PLEKHG6: variants seen among roughly 807,000 people sequenced by gnomAD.
The protein encoded by PLEKHG6 is pleckstrin homology domain-containing family G member 6.
PLEKHG6 carries 91 observed loss-of-function variants against 97.5 expected under a neutral mutation model. The observed-to-expected ratio is 0.93, with a 90% CI of 0.79 to 1.11. The LOEUF is 1.11. PLEKHG6 is among the 50% of genes most tolerant of loss of function. PLEKHG6 has a pLI of 0.00. For missense variants in PLEKHG6, 1,044 were observed against 1,031.0 expected (o/e 1.01, Z -0.17); for synonymous variants, 466 against 425.5 (o/e 1.10, Z -1.17).
In PLEKHG6 at chr12:6,319,565, C is replaced by T. The variant is rs1367632733; in HGVS notation, c.1524+457C>T. 3.9e-6 allele frequency: 6 copies of T among 1,535,040 alleles called. 1 individual carries two copies. Among genetic ancestry groups the T allele is most frequent in the Non-Finnish European group, 4.4e-6 (5 of 1,146,266 alleles). ...GTTTCAGACTGGACAATCTGATGTG[C>T]CCCAGAGAGGGAGGCAGAGCCTCCA... On this transcript the variant is annotated intron_variant, in intron 13 of 15. Coordinates refer to ENST00000684764, the MANE Select transcript of PLEKHG6 (RefSeq NM_001384598.1).
intron 13 of PLEKHG6, among the ~76,000 whole-genome samples, chr12:6,323,876 G>A (rs1947780013): frequency 6.6e-6 from 1 of 152,178 alleles, no homozygotes; most frequent in African/African-American, 2.4e-5. Context: ...GCTGCTGACT[G>A]GGGAAACGCA....
chr12:6,313,788 A>AG lies in PLEKHG6; in HGVS notation c.294+9dup, dbSNP rs540007493. ...GCTTCACTCCCCCAAACTCAAGGTA[A>AG]GGGGGTCCCTCTCCTCCCATCCCCA... On this transcript the variant is annotated splice_donor_region_variant and intron_variant, in intron 3 of 15. Coordinates refer to ENST00000684764, the MANE Select transcript of PLEKHG6 (RefSeq NM_001384598.1). 2.9e-5 allele frequency: 45 copies of AG among 1,565,002 alleles called. No individual in the cohort carries two copies. The East Asian group carries it at 8.6e-4, about 30-fold the overall frequency.
rs1301422338 is a variant in PLEKHG6 at position 6,317,907 on chromosome 12, G to T, written c.1068G>T (p.Gln356His). The stretch of plus-strand genomic sequence containing the variant: ...GACACATCAATGGGCAGGTCCGCCA[G>T]GGCGAAGAGCAAGAGAGCTTGGCGG... ...FLRHINGQVR[Q>H]GEEQESLAAA... The change falls in exon 10 of 16, where the codon CAG becomes CAT. Residue 356 changes from glutamine (Q) to histidine (H), a missense_variant. Physicochemically the swap from Gln to His is conservative, Grantham distance 24 (BLOSUM62 0). Transcript: ENST00000684764. The T allele has an allele frequency of 6.4e-7, 1 of 1,561,926 alleles. No homozygotes were observed. The highest frequency in any genetic ancestry group is 2.4e-5 in the East Asian group (1 of 42,272).
At chr12:6,321,932 CCAGGTCCTA>C (rs1947718931) in intron 13 of PLEKHG6, among the ~76,000 whole-genome samples, 1 of 152,046 alleles carries the variant, frequency 6.6e-6, no homozygotes, top group Non-Finnish European at 1.5e-5. Context: ...ACCGGTCCTA[CCAGGTCCTA>C]GCCATGTGAC....
chr12:6,328,141 T>C lies in PLEKHG6; in HGVS notation c.2369T>C (p.Val790Ala), dbSNP rs1947942611. The C allele has an allele frequency of 6.2e-7, 1 of 1,613,678 alleles. No individual in the cohort carries two copies. Among genetic ancestry groups the C allele is most frequent in the African/African-American group, 1.3e-5 (1 of 74,802 alleles). The change falls in exon 16 of 16, where the codon GTA becomes GCA. Residue 790 changes from valine (V) to alanine (A), a missense_variant. Coordinates refer to ENST00000684764, the MANE Select transcript of PLEKHG6 (RefSeq NM_001384598.1). ...ACCCCCTCCTGTCTTTTCAGAGAGG[T>C]ATGAGGAATGCAGAGGACCTTTGGC... ...QLDTPLSASE[V>A]
chr12:6,322,595 T>C (rs1169919972), intron 13 of PLEKHG6, among the ~76,000 whole-genome samples: 2 of 152,210 alleles, frequency 1.3e-5, no homozygotes, highest in African/African-American at 4.8e-5. Context: ...TCAAATTTTC[T>C]TGGCCAGGCG....
chr12:6,318,895 G>C lies in PLEKHG6; in HGVS notation c.1408+18G>C. 1 of 1,614,154 alleles carries C rather than the reference G, an allele frequency of 6.2e-7. No homozygotes were observed. Among genetic ancestry groups the C allele is most frequent in the Non-Finnish European group, 8.5e-7 (1 of 1,180,004 alleles). On this transcript the variant is annotated intron_variant, in intron 12 of 15. Coordinates refer to ENST00000684764, the MANE Select transcript of PLEKHG6 (RefSeq NM_001384598.1). ...AGACCCCAGTACGTCCTTCCTTCAGGGAGTCTTTTCTTCTCCCTCTTCTCA... is the reference window on the plus strand; with the variant it reads ...AGACCCCAGTACGTCCTTCCTTCAGCGAGTCTTTTCTTCTCCCTCTTCTCA...
rs1323517378 is a variant in PLEKHG6, at chr12:6,328,425, G to A, written c.*280G>A. On this transcript the variant is annotated 3_prime_UTR_variant, in exon 16 of 16. Transcript: ENST00000684764. ...GCACTTTGGGAGGCTGAGGTGGGAG[G>A]ATCCCTTGAGCCCAGGAGTTCCAGA... 1 of 414,356 alleles carries A rather than the reference G, an allele frequency of 2.4e-6. No homozygotes were observed. The highest frequency in any genetic ancestry group is 4.3e-6 in the Non-Finnish European group (1 of 230,976). The allele number at this position is 414,356 out of a possible 1,614,324, so 25.7% of individuals were successfully genotyped here. A position where few individuals can be genotyped will look rare whatever the true frequency, so the allele number is the denominator to read the frequency against.
chr12:6,318,449 G>T, intron 11 of PLEKHG6, 29 bp downstream of exon 11: 1 of 1,578,122 alleles, frequency 6.3e-7, no homozygotes, highest in Non-Finnish European at 8.6e-7. Context: ...GAGTGGAGGG[G>T]ATGGGGCACG....
intron 13 of PLEKHG6, among the ~76,000 whole-genome samples, chr12:6,321,726 C>A (rs1245587691): frequency 6.8e-6 from 1 of 147,882 alleles, no homozygotes; most frequent in Non-Finnish European, 1.5e-5. Flanking sequence ...ACTCGGGAGG[C>A]TGAGGCAGGA....
Position 6,327,245 on chromosome 12 carries a change from T to G in PLEKHG6, c.1671-9T>G, listed in dbSNP as rs770781889. The stretch of plus-strand genomic sequence containing the variant: ...CCCTACGCATCTGACTCTTTGCCAT[T>G]AACTGTAGGACTCCTGAGTTCTCGA... On this transcript the variant is annotated splice_polypyrimidine_tract_variant and intron_variant, in intron 14 of 15. Transcript: ENST00000684764. 1 of 1,548,084 alleles carries G rather than the reference T, an allele frequency of 6.5e-7. No homozygotes were observed. The highest frequency in any genetic ancestry group is 1.2e-5 in the South Asian group (1 of 83,870).
In PLEKHG6 at chr12:6,315,454, GT is replaced by G. The variant is rs1947422721; in HGVS notation, c.460-99del. 7.6e-6 allele frequency: 6 copies of G among 790,338 alleles called. No individual in the cohort carries two copies. The allele number at this position is 790,338 out of a possible 1,614,324, so 49.0% of individuals were successfully genotyped here. Reference sequence around the variant, plus strand: ...TTAAAAGGTCATGGTCATGCACAAAGTGCCTAGAACCTATGAAGTGGATCCG... The same window carrying G: ...TTAAAAGGTCATGGTCATGCACAAAGGCCTAGAACCTATGAAGTGGATCCG... On this transcript the variant is annotated intron_variant, in intron 4 of 15. Transcript: ENST00000684764. This position sits in a 1 kb window ranked among gnomAD's most constrained non-coding sequence, Gnocchi z 4.5.
In PLEKHG6 at chr12:6,327,371, C is replaced by A. The variant is rs745639117; in HGVS notation, c.1788C>A (p.Gly596=). The A allele has an allele frequency of 7.4e-6, 12 of 1,614,012 alleles. No individual in the cohort carries two copies. The highest frequency in any genetic ancestry group is 1.7e-6 in the Non-Finnish European group (2 of 1,180,014). The change falls in exon 15 of 16, where the codon GGC becomes GGA. Residue 596 remains glycine (G), a synonymous_variant. Coordinates refer to ENST00000684764, the MANE Select transcript of PLEKHG6 (RefSeq NM_001384598.1). ...SDSGYGTLIP[G]TPTGSRSPLS... is the part of the protein sequence containing the mutation. ...CTGGCTACGGCACTTTGATCCCAGGCACCCCCACGGGGTCCCGCTCCCCAC... is the reference window on the plus strand; with the variant it reads ...CTGGCTACGGCACTTTGATCCCAGGAACCCCCACGGGGTCCCGCTCCCCAC...
intron 2 of PLEKHG6, 112 bp from the exon 3 acceptor site, chr12:6,313,517 A>T (rs1947345016): frequency 1.5e-6 from 2 of 1,309,636 alleles, no homozygotes; most frequent in South Asian, 1.3e-5. Context: ...AGCCAGCCCG[A>T]CTTACCAGGG....
intron 2 of PLEKHG6, 82 bp from the exon 3 acceptor site, chr12:6,313,547 G>A: frequency 1.3e-6 from 2 of 1,518,830 alleles, no homozygotes; most frequent in South Asian, 1.2e-5. Flanking sequence ...AACATCTAGA[G>A]CCAAGCCTGC....
At chr12:6,322,245 T>C (rs890599030) in intron 13 of PLEKHG6, among the ~76,000 whole-genome samples, 2 of 152,188 alleles carry the variant, frequency 1.3e-5, no homozygotes, top group African/African-American at 4.8e-5. Flanking sequence ...GCTTCCTCAG[T>C]GAGGTGGCTT....
rs4149651 is a variant in PLEKHG6, at chr12:6,328,223, T to C, written c.*78T>C. ...GTAGTGCTGGTCACCCTCCGGCATCTGTGACTCTACCTCAAGGACCACATT... is the reference window on the plus strand; with the variant it reads ...GTAGTGCTGGTCACCCTCCGGCATCCGTGACTCTACCTCAAGGACCACATT... On this transcript the variant is annotated 3_prime_UTR_variant, in exon 16 of 16. Transcript: ENST00000684764. The C allele has an allele frequency of 0.027, 38,794 of 1,433,058 alleles. 3,212 individuals carry two copies. In the African/African-American group the frequency reaches 0.28, roughly 10 times the overall value. The allele number at this position is 1,433,058 out of a possible 1,614,324, so 88.8% of individuals were successfully genotyped here.
Position 6,315,878 on chromosome 12 carries a change from G to T in PLEKHG6, c.565G>T (p.Ala189Ser), listed in dbSNP as rs146053277. 1.9e-6 allele frequency: 3 copies of T among 1,570,922 alleles called. No individual in the cohort carries two copies. The highest frequency in any genetic ancestry group is 2.6e-6 in the Non-Finnish European group (3 of 1,157,676). The stretch of plus-strand genomic sequence containing the variant: ...GTCTCCCTCCCTGCAGCTGCTAGCC[G>T]CCGGCCTGCTGAACCTGCAGCGAGT... ...KLKIMTDLLAAGLLNLQRVGL... is the reference protein window; with the variant it reads ...KLKIMTDLLASGLLNLQRVGL... The change falls in exon 6 of 16, where the codon GCC becomes TCC. Residue 189 changes from alanine to serine, a missense_variant. Ala to Ser is a moderately conservative substitution (Grantham distance 99). Coordinates refer to ENST00000684764, the MANE Select transcript of PLEKHG6 (RefSeq NM_001384598.1). The surrounding 1 kb of genome is among the most constrained non-coding windows in gnomAD (Gnocchi z 4.5).
At position 6,326,505 on chromosome 12, in the gene PLEKHG6, C is replaced by A; in HGVS notation, c.1602C>A (p.Asp534Glu). 1 of 1,603,016 alleles carries A rather than the reference C, an allele frequency of 6.2e-7. No homozygotes were observed. The highest frequency in any genetic ancestry group is 8.5e-7 in the Non-Finnish European group (1 of 1,175,794). Residue 534 changes from aspartate (D) to glutamate (E), a missense_variant, in exon 14 of 16, where the codon GAC becomes GAA. Coordinates refer to ENST00000684764, the MANE Select transcript of PLEKHG6 (RefSeq NM_001384598.1). ...TCCTGACCCTCTATCGGGACCAGGA[C>A]AGGGAGTCCCCCAGCACCAGGCCCT... Reference protein sequence around the residue: ...RELLTLYRDQDRESPSTRPST... With the variant: ...RELLTLYRDQERESPSTRPST...
Sources: gnomAD v4.1 joint callset for allele counts (sites outside exome capture counted in the v4.1 genomes callset) on GRCh38, gnomAD v4.1.1 for gene constraint, Gnocchi (gnomAD v3.1) non-coding constraint, MANE v1.5 for transcripts, NCBI Gene and HGNC (gene_info 2026-07-23, HGNC 2026-07-21) for gene names.